Variants in WDR91 observed in about 807,000 individuals in gnomAD.
The protein encoded by WDR91 is WD repeat-containing protein 91.
Under a neutral mutation model 88.4 loss-of-function variants are expected in WDR91, and 52 were observed. The observed-to-expected ratio is 0.59, with a 90% CI of 0.47 to 0.74. The LOEUF (loss-of-function observed/expected upper bound fraction) is 0.74. Among genes scored for constraint, WDR91 ranks in the 30% least tolerant of loss-of-function variants. The pLI, the probability that WDR91 is intolerant of heterozygous loss-of-function variation, is 0.00. For missense variants in WDR91, 824 were observed against 954.5 expected, an observed-to-expected ratio of 0.86 and a Z score of 1.80; for synonymous variants, 362 against 389.5, an observed-to-expected ratio of 0.93 and a Z score of 0.83.
rs775086930 is a variant in WDR91 at position 135,210,784 on chromosome 7, A to G, written c.123+596T>C. 4.3e-6 allele frequency: 3 copies of G among 703,682 alleles called. No homozygotes were observed. In the South Asian group the frequency reaches 4.4e-5, roughly 10 times the overall value. The allele number at this position is 703,682 out of a possible 1,614,324, so 43.6% of individuals were successfully genotyped here. On this transcript the variant is annotated intron_variant, in intron 1 of 14. Coordinates refer to ENST00000354475, the MANE Select transcript of WDR91 (RefSeq NM_014149.4). ...CTGTTAGCTCACTGCCTCTCATTGAAGTCAGTACACACAAACATACAAATC... is the reference window on the plus strand; with the variant it reads ...CTGTTAGCTCACTGCCTCTCATTGAGGTCAGTACACACAAACATACAAATC...
Position 135,198,077 on chromosome 7 carries a change from C to A in WDR91, c.966G>T (p.Glu322Asp), listed in dbSNP as rs774567327. 5.6e-6 allele frequency: 9 copies of A among 1,614,094 alleles called. No homozygotes were observed. The South Asian group carries it at 9.9e-5, about 18-fold the overall frequency. The change falls in exon 7 of 15, where the codon GAG becomes GAT. Residue 322 changes from glutamate (E) to aspartate (D), a missense_variant. Physicochemically the swap from Glu to Asp is conservative, Grantham distance 45. Coordinates refer to ENST00000354475, the MANE Select transcript of WDR91 (RefSeq NM_014149.4). ...GCTGCCGGTGCTGTGACCAACCGGA[C>A]TCCCCAGTGGCCAGCCCGCTGAGGA... ...KSLLSGLATG[E>D]SGWSQHRQRR... is the part of the protein sequence containing the mutation.
At chr7:135,187,862 T>C (rs548536574) in intron 13 of WDR91, among the ~76,000 whole-genome samples, 1 of 152,308 alleles carries the variant, frequency 6.6e-6, no homozygotes, top group South Asian at 2.1e-4. Flanking sequence ...TTTCAAGGGA[T>C]AAAAAGATAG....
In WDR91 at chr7:135,188,560, C is replaced by T; in HGVS notation, c.1769-15G>A. ...CTGCTGCATGTCTGAGGCAATGAGA[C>T]ACGGCCACTCACATCCTGGCCAGGG... On this transcript the variant is annotated splice_polypyrimidine_tract_variant and intron_variant, in intron 12 of 14. Transcript: ENST00000354475. The T allele has an allele frequency of 6.2e-7, 1 of 1,603,172 alleles. No individual in the cohort carries two copies. The highest frequency in any genetic ancestry group is 8.5e-7 in the Non-Finnish European group (1 of 1,172,086).
chr7:135,208,245 C>T (rs1024500922), intron 3 of WDR91, among the ~76,000 whole-genome samples: 4 of 152,188 alleles, frequency 2.6e-5, no homozygotes, highest in African/African-American at 9.7e-5. Flanking sequence ...AAATTATTTA[C>T]CTGCATTCTC....
intron 3 of WDR91, chr7:135,207,434 T>C (rs1419693891): frequency 1.9e-6 from 1 of 524,486 alleles, no homozygotes; most frequent in South Asian, 1.5e-5. Context: ...CGCATGACCA[T>C]CTGCCTGGCC....
intron 11 of WDR91, among the ~76,000 whole-genome samples, chr7:135,191,329 C>A (rs978221005): frequency 6.6e-6 from 1 of 152,202 alleles, no homozygotes; most frequent in South Asian, 2.1e-4. Context: ...TAAGGCAGGC[C>A]GGGTGCAGTG....
chr7:135,188,506 T>A lies in WDR91; in HGVS notation c.1808A>T (p.His603Leu). ...QHECAMSWRA[H>L]YGEVYSVEFS... ...CTCCACAGAGTAGACCTCCCCGTAG[T>A]GGGCCCTCCAGCTCATCGCGCACTC... The change falls in exon 13 of 15, where the codon CAC becomes CTC. Residue 603 changes from histidine (H) to leucine (L), a missense_variant. Coordinates refer to ENST00000354475, the MANE Select transcript of WDR91 (RefSeq NM_014149.4). 1 of 1,614,034 alleles carries A rather than the reference T, an allele frequency of 6.2e-7. No homozygotes were observed. Among genetic ancestry groups the A allele is most frequent in the South Asian group, 1.1e-5 (1 of 91,086 alleles).
At chr7:135,187,267 G>A in intron 13 of WDR91, 98 bp from the exon 14 acceptor site, 4 of 1,264,782 alleles carry the variant, frequency 3.2e-6, no homozygotes, top group South Asian at 1.3e-5. Context: ...AGGCTGGCGA[G>A]GGCGACCCGC....
At chr7:135,188,645 G>A in intron 12 of WDR91, 100 bp from the exon 13 acceptor site, 2 of 1,087,324 alleles carry the variant, frequency 1.8e-6, no homozygotes, top group East Asian at 2.4e-5. Context: ...CAGGCTGACA[G>A]CTGTTCTGGA....
At chr7:135,211,152 C>T (rs1832003072) in intron 1 of WDR91, among the ~76,000 whole-genome samples, 1 of 152,208 alleles carries the variant, frequency 6.6e-6, no homozygotes, top group South Asian at 2.1e-4. Flanking sequence ...GGCATCGGGG[C>T]TCCAGCCTCG....
Position 135,188,490 on chromosome 7 carries a change from G to A in WDR91, c.1824C>T (p.Tyr608=). The change falls in exon 13 of 15, where the codon TAC becomes TAT. Residue 608 remains tyrosine, a synonymous_variant. Transcript: ENST00000354475. ...TCTCATCATAGCTGAACTCCACAGA[G>A]TAGACCTCCCCGTAGTGGGCCCTCC... ...MSWRAHYGEV[Y]SVEFSYDENT... 5 of 1,614,078 alleles carry A rather than the reference G, an allele frequency of 3.1e-6. No individual in the cohort carries two copies. The highest frequency in any genetic ancestry group is 4.2e-6 in the Non-Finnish European group (5 of 1,180,014).
chr7:135,196,115 G>T lies in WDR91; in HGVS notation c.1244+29C>A. The T allele has an allele frequency of 6.8e-7, 1 of 1,471,422 alleles. No homozygotes were observed. The highest frequency in any genetic ancestry group is 9.0e-7 in the Non-Finnish European group (1 of 1,105,936). 91.1% of individuals were successfully genotyped at this position (1,471,422 alleles called of 1,614,324 possible). Reference sequence around the variant, plus strand: ...ACTGCCTGAAAATCTGAGCTTCCCAGGGTTTCCTTGGCCCCAGGCCCAACC... The same window carrying T: ...ACTGCCTGAAAATCTGAGCTTCCCATGGTTTCCTTGGCCCCAGGCCCAACC... On this transcript the variant is annotated intron_variant, in intron 8 of 14. Transcript: ENST00000354475. This position sits in a 1 kb window ranked among gnomAD's most constrained non-coding sequence, Gnocchi z 4.2.
Position 135,211,526 on chromosome 7 carries a change from T to A in WDR91, c.-24A>T, listed in dbSNP as rs773034594. On this transcript the variant is annotated 5_prime_UTR_variant, in exon 1 of 15. Transcript: ENST00000354475. ...ATCGCAGCGCTAGCGTCTTTAGGGG[T>A]GGTGCGGTGAGGGACGGAGGGGCGG... 6.2e-7 allele frequency: 1 copy of A among 1,607,924 alleles called. No individual in the cohort carries two copies. The highest frequency in any genetic ancestry group is 8.5e-7 in the Non-Finnish European group (1 of 1,177,860).
At chr7:135,193,131 G>A (rs1831230558) in intron 11 of WDR91, 100 bp downstream of exon 11, 2 of 1,490,570 alleles carry the variant, frequency 1.3e-6, no homozygotes, top group Admixed American at 2.2e-5. Flanking sequence ...TTAAAAATCT[G>A]AGGAGACCAA....
chr7:135,188,632 A>G (rs982735472), intron 12 of WDR91, 87 bp from the exon 13 acceptor site: 65 of 1,150,832 alleles, frequency 5.6e-5, no homozygotes, highest in Non-Finnish European at 8.0e-5. Context: ...CTCACCCTCT[A>G]CTCAGGCTGA....
chr7:135,188,432 C>T lies in WDR91; in HGVS notation c.1881+1G>A. ...CTTATCTGAATCCTGCAGCCGCCTA[C>T]CTTCCCGTCCTCGCCGATGCTGTAC... On this transcript the variant is annotated splice_donor_variant, in intron 13 of 14. Transcript: ENST00000354475. LOFTEE classifies it high-confidence loss of function. 6.2e-7 allele frequency: 1 copy of T among 1,613,744 alleles called. No homozygotes were observed. Among genetic ancestry groups the T allele is most frequent in the Non-Finnish European group, 8.5e-7 (1 of 1,179,676 alleles).
chr7:135,211,042 G>T, intron 1 of WDR91: 1 of 649,892 alleles, frequency 1.5e-6, no homozygotes, highest in Non-Finnish European at 2.8e-6. Context: ...AATATCTGTT[G>T]CCAAAACGCA....
At position 135,200,786 on chromosome 7, in the gene WDR91, GAC is replaced by G. The variant is rs569957367; in HGVS notation, c.892-2637_892-2636del. 3.9e-5 allele frequency among the ~76,000 whole-genome samples: 6 copies of G among 152,272 alleles called. No homozygotes were observed. The East Asian group carries it at 1.2e-3, about 29-fold the overall frequency. ...TATCATTTGACCTTCTCACTCTGGAGACAGACATAAGTTGATACCCATTAATT... is the reference window on the plus strand; with the variant it reads ...TATCATTTGACCTTCTCACTCTGGAGAGACATAAGTTGATACCCATTAATT... On this transcript the variant is annotated intron_variant, in intron 6 of 14. Transcript: ENST00000354475.
Position 135,210,896 on chromosome 7 carries a change from T to C in WDR91, c.123+484A>G, listed in dbSNP as rs192490942. 15 of 703,720 alleles carry C rather than the reference T, an allele frequency of 2.1e-5. No individual in the cohort carries two copies. In the East Asian group the frequency reaches 3.5e-4, roughly 16 times the overall value. The allele number at this position is 703,720 out of a possible 1,614,324, so 43.6% of individuals were successfully genotyped here. On this transcript the variant is annotated intron_variant, in intron 1 of 14. Coordinates refer to ENST00000354475, the MANE Select transcript of WDR91 (RefSeq NM_014149.4). ...GGTTTCTCTAATGTGCCATGAGGTC[T>C]TCCACAACTGCAGAAGCAAAATTGC...
Sources: gnomAD v4.1 joint callset for allele counts (sites outside exome capture counted in the v4.1 genomes callset) on GRCh38, gnomAD v4.1.1 for gene constraint, Gnocchi (gnomAD v3.1) non-coding constraint, MANE v1.5 for transcripts, NCBI Gene and HGNC (gene_info 2026-07-23, HGNC 2026-07-21) for gene names.